Variants in RPS6KC1 observed in about 807,000 individuals in gnomAD.
RPS6KC1 encodes inactive ribosomal protein S6 kinase delta-1.
Under a neutral mutation model 103.8 loss-of-function variants are expected in RPS6KC1, and 54 were observed. The observed-to-expected ratio is 0.52, with a 90% CI of 0.42 to 0.65. The LOEUF (loss-of-function observed/expected upper bound fraction) is 0.65, where lower values mean the gene tolerates loss of function less well. Among genes scored for constraint, RPS6KC1 ranks in the 30% least tolerant of loss-of-function variants. The pLI, the probability that RPS6KC1 is intolerant of heterozygous loss-of-function variation, is 0.00. For missense variants in RPS6KC1, 1,151 were observed against 1,253.8 expected (o/e 0.92, Z 1.24); for synonymous variants, 439 against 438.7 (o/e 1.00, Z -0.01).
At chr1:213,329,289 A>G in the RPS6KC1 span, among the ~76,000 whole-genome samples, 1 of 152,052 alleles carries the variant, frequency 6.6e-6, no homozygotes, top group Non-Finnish European at 1.5e-5. Flanking sequence ...GGAGTCACAG[A>G]TTTATTGGGA....
the RPS6KC1 span, among the ~76,000 whole-genome samples, chr1:213,450,836 A>G: frequency 6.6e-6 from 1 of 152,162 alleles, no homozygotes; most frequent in African/African-American, 2.4e-5. Flanking sequence ...TTAGCCGGGC[A>G]TGCTGGTGCG....
Position 213,205,368 on chromosome 1 carries a change from G to A in RPS6KC1, c.1045-25129G>A, listed in dbSNP as rs945449835. The A allele has an allele frequency of 5.1e-6, 5 of 984,734 alleles. No homozygotes were observed. In the African/African-American group the frequency reaches 8.8e-5, roughly 17 times the overall value. The allele number at this position is 984,734 out of a possible 1,614,324, so 61.0% of individuals were successfully genotyped here. A position where few individuals can be genotyped will look rare whatever the true frequency, so the allele number is the denominator to read the frequency against. The stretch of plus-strand genomic sequence containing the variant: ...AGAGTCCCATGGAACATCAGTCATT[G>A]TGATGTGAAGAAAGTGATAAGGTAA... On this transcript the variant is annotated intron_variant, in intron 8 of 14. Transcript: ENST00000366960.
chr1:213,513,669 T>G, the RPS6KC1 span, among the ~76,000 whole-genome samples: 106 of 152,190 alleles, frequency 7.0e-4, no homozygotes, highest in Non-Finnish European at 1.3e-3. Flanking sequence ...AACTTACCAT[T>G]TGAATGCCTG....
chr1:213,755,436 C>T, the RPS6KC1 span, among the ~76,000 whole-genome samples: 2 of 152,188 alleles, frequency 1.3e-5, no homozygotes, highest in East Asian at 3.8e-4. Flanking sequence ...GCCCACTGGG[C>T]ATTAACTCCC....
chr1:213,404,772 G>T, the RPS6KC1 span, among the ~76,000 whole-genome samples: 1 of 152,298 alleles, frequency 6.6e-6, no homozygotes, highest in African/African-American at 2.4e-5. Flanking sequence ...TGGCACCCAC[G>T]GCCTCCCATT....
At chr1:213,334,753 G>A in the RPS6KC1 span, among the ~76,000 whole-genome samples, 1 of 152,068 alleles carries the variant, frequency 6.6e-6, no homozygotes, top group African/African-American at 2.4e-5. Flanking sequence ...GGTATATATG[G>A]GAGATGTATA....
At chr1:213,400,057 C>T in the RPS6KC1 span, among the ~76,000 whole-genome samples, 824 of 152,220 alleles carry the variant, frequency 5.4e-3, 16 homozygotes, top group African/African-American at 0.018. Context: ...CTGAGAAATT[C>T]ATAGAAAAAA....
intron 10 of RPS6KC1, among the ~76,000 whole-genome samples, chr1:213,239,173 G>A (rs1162719412): frequency 6.6e-6 from 1 of 151,908 alleles, no homozygotes; most frequent in Admixed American, 6.6e-5. Flanking sequence ...TCAAAATGGG[G>A]AAGATGATAC....
At chr1:213,496,317 C>G in the RPS6KC1 span, among the ~76,000 whole-genome samples, 2 of 152,026 alleles carry the variant, frequency 1.3e-5, no homozygotes, top group Non-Finnish European at 2.9e-5. Context: ...ATGTGCTTTG[C>G]AAGAGACATC....
the RPS6KC1 span, among the ~76,000 whole-genome samples, chr1:213,288,179 G>A: frequency 2.6e-5 from 4 of 152,172 alleles, no homozygotes; most frequent in East Asian, 5.8e-4. Flanking sequence ...TGTGTCAACC[G>A]TGTCAACATT....
At chr1:213,850,625 A>G in the RPS6KC1 span, among the ~76,000 whole-genome samples, 1 of 152,336 alleles carries the variant, frequency 6.6e-6, no homozygotes, top group Admixed American at 6.5e-5. Context: ...ATTGCTTACT[A>G]GCATTACACT....
chr1:213,349,889 G>C, the RPS6KC1 span, among the ~76,000 whole-genome samples: 1 of 152,164 alleles, frequency 6.6e-6, no homozygotes, highest in Non-Finnish European at 1.5e-5. Context: ...CCCAGAGACA[G>C]AGAAAATTTC....
At chr1:213,766,435 A>C in the RPS6KC1 span, among the ~76,000 whole-genome samples, 1 of 152,128 alleles carries the variant, frequency 6.6e-6, no homozygotes, top group Non-Finnish European at 1.5e-5. Flanking sequence ...TACCCATGCA[A>C]CACTCCTTGA....
At chr1:213,054,860 C>G (rs892529690) in intron 1 of RPS6KC1, among the ~76,000 whole-genome samples, 9 of 152,090 alleles carry the variant, frequency 5.9e-5, no homozygotes, top group Admixed American at 4.6e-4. Flanking sequence ...CATAAGTTCC[C>G]TTTGATTCTT....
the RPS6KC1 span, among the ~76,000 whole-genome samples, chr1:213,602,120 C>CTCTTTCTT: frequency 9.4e-3 from 48 of 5,118 alleles, 4 homozygotes; most frequent in Admixed American, 0.023. Flanking sequence ...TTCTTTCTTT[C>CTCTTTCTT]TCTTTCTTTC....
chr1:213,154,905 G>A (rs748598285), intron 6 of RPS6KC1, among the ~76,000 whole-genome samples: 15 of 152,230 alleles, frequency 9.9e-5, no homozygotes, highest in Non-Finnish European at 1.6e-4. Context: ...GCCTGAAGCC[G>A]TAAGTGTAGT....
chr1:213,483,608 G>T, the RPS6KC1 span, among the ~76,000 whole-genome samples: 1 of 152,156 alleles, frequency 6.6e-6, no homozygotes, highest in Non-Finnish European at 1.5e-5. Context: ...GTATATGAAA[G>T]CTCTATTTCT....
intron 1 of RPS6KC1, among the ~76,000 whole-genome samples, chr1:213,053,924 C>T (rs2077138389): frequency 6.6e-6 from 1 of 151,994 alleles, no homozygotes; most frequent in Non-Finnish European, 1.5e-5. Context: ...GTAACCTCGC[C>T]TCCTGGGTTC....
At chr1:213,634,356 G>T in the RPS6KC1 span, among the ~76,000 whole-genome samples, 1 of 152,132 alleles carries the variant, frequency 6.6e-6, no homozygotes, top group African/African-American at 2.4e-5. Context: ...AAATGTAAAA[G>T]AACAGAAATC....
Sources: gnomAD v4.1 joint callset for allele counts (sites outside exome capture counted in the v4.1 genomes callset) on GRCh38, gnomAD v4.1.1 for gene constraint, MANE v1.5 for transcripts, NCBI Gene and HGNC (gene_info 2026-07-23, HGNC 2026-07-21) for gene names.